Variants in UBE2D1 observed in about 807,000 individuals in gnomAD.
UBE2D1 encodes ubiquitin conjugating enzyme E2 D1.
Under a neutral mutation model 24.6 loss-of-function variants are expected in UBE2D1, and 9 were observed. The ratio of observed to expected loss-of-function variants is 0.37; its 90% CI spans 0.22 to 0.64. The LOEUF is 0.64. UBE2D1 is among the 30% of genes least tolerant of loss of function. UBE2D1 has a pLI of 0.64. For missense variants in UBE2D1, 87 were observed against 177.1 expected (o/e 0.49, Z 2.89); for synonymous variants, 57 against 57.6 (o/e 0.99, Z 0.04).
intron 1 of UBE2D1, among the ~76,000 whole-genome samples, chr10:58,358,392 A>G (rs901282200): frequency 6.6e-6 from 1 of 152,210 alleles, no homozygotes; most frequent in Non-Finnish European, 1.5e-5. Context: ...GAAAACTGTT[A>G]CAAGGCACAG....
chr10:58,360,946 A>C, intron 1 of UBE2D1: 1 of 456,560 alleles, frequency 2.2e-6, no homozygotes, highest in Non-Finnish European at 4.4e-6. Flanking sequence ...AGTTATCCTG[A>C]AGTATTATTC....
intron 1 of UBE2D1, among the ~76,000 whole-genome samples, chr10:58,342,238 G>A (rs1472440257): frequency 6.6e-6 from 1 of 152,114 alleles, no homozygotes; most frequent in Non-Finnish European, 1.5e-5. Flanking sequence ...GCATCCTCTT[G>A]TCTTACCTCT....
At chr10:58,366,383 T>G (rs760404280) in intron 5 of UBE2D1, among the ~76,000 whole-genome samples, 2 of 152,176 alleles carry the variant, frequency 1.3e-5, no homozygotes, top group Non-Finnish European at 2.9e-5. Context: ...TAGTGGGCAC[T>G]TACATGAATG....
At chr10:58,357,565 T>C (rs562345162) in intron 1 of UBE2D1, among the ~76,000 whole-genome samples, 8 of 152,148 alleles carry the variant, frequency 5.3e-5, no homozygotes, top group Non-Finnish European at 1.2e-4. Context: ...TTCCAAAATA[T>C]CTTCATTTTT....
intron 1 of UBE2D1, among the ~76,000 whole-genome samples, chr10:58,354,430 ATT>A (rs528438394): frequency 6.8e-6 from 1 of 146,122 alleles, no homozygotes; most frequent in Non-Finnish European, 1.5e-5. Context: ...TACCCCTTTA[ATT>A]TTTTTTTTTT....
In UBE2D1 at chr10:58,361,515, A is replaced by G. The variant is rs376764064; in HGVS notation, c.109A>G (p.Ile37Val). The change falls in exon 3 of 7, where the codon ATT becomes GTT. Residue 37 changes from isoleucine to valine, a missense_variant. Coordinates refer to ENST00000373910, the MANE Select transcript of UBE2D1 (RefSeq NM_003338.5). ...GDDLFHWQAT[I>V]MGPPDSAYQG... ...TTCAGTGTTCCACTGGCAAGCCACT[A>G]TTATGGGGCCTGTAAGTATGATTCA... is the stretch of plus-strand genomic sequence containing the variant. The G allele has an allele frequency of 4.8e-5, 77 of 1,614,014 alleles. No individual in the cohort carries two copies. Among genetic ancestry groups the G allele is most frequent in the Non-Finnish European group, 6.4e-5 (75 of 1,180,010 alleles).
At chr10:58,357,980 A>G (rs994938963) in intron 1 of UBE2D1, among the ~76,000 whole-genome samples, 1 of 152,094 alleles carries the variant, frequency 6.6e-6, no homozygotes, top group African/African-American at 2.4e-5. Context: ...AACTTCTAAC[A>G]GAGGAGGTAG....
intron 1 of UBE2D1, 107 bp downstream of exon 1, chr10:58,335,332 T>C: frequency 7.8e-7 from 1 of 1,276,192 alleles, no homozygotes; most frequent in Non-Finnish European, 1.0e-6. Context: ...GATGGAAGGG[T>C]GGGCCGGGGT....
At chr10:58,363,460 T>C (rs1840222507) in intron 3 of UBE2D1, 149 bp from the exon 4 acceptor site, 2 of 572,934 alleles carry the variant, frequency 3.5e-6, no homozygotes, top group Non-Finnish European at 6.0e-6. Flanking sequence ...GACAAAATGG[T>C]TGCATTTTTT....
chr10:58,364,617 C>A, intron 4 of UBE2D1, 154 bp from the exon 5 acceptor site: 1 of 602,424 alleles, frequency 1.7e-6, no homozygotes. Context: ...GTGTGTAGCA[C>A]AAAGTAGATA....
At position 58,364,893 on chromosome 10, in the gene UBE2D1, GGTTTGAAACA is replaced by G; in HGVS notation, c.304+21_304+30del. 1.3e-6 allele frequency: 2 copies of G among 1,590,750 alleles called. No individual in the cohort carries two copies. The highest frequency in any genetic ancestry group is 1.7e-6 in the Non-Finnish European group (2 of 1,161,032). On this transcript the variant is annotated intron_variant, in intron 5 of 6. Coordinates refer to ENST00000373910, the MANE Select transcript of UBE2D1 (RefSeq NM_003338.5). ...TATCAAAAGGTAATTTCATTGATCA[GGTTTGAAACA>G]GTTGATAACAGTGAGACAGGAAAAA...
At chr10:58,337,651 G>A (rs1007976163) in intron 1 of UBE2D1, among the ~76,000 whole-genome samples, 15 of 152,002 alleles carry the variant, frequency 9.9e-5, no homozygotes, top group Admixed American at 7.9e-4. Flanking sequence ...ACAAGCAGGG[G>A]AACAGCTTCT....
Position 58,362,310 on chromosome 10 carries a change from G to A in UBE2D1, c.120+784G>A, listed in dbSNP as rs145813000. 6.6e-3 allele frequency among the ~76,000 whole-genome samples: 997 copies of A among 152,202 alleles called. 6 individuals are homozygous for A. The highest frequency in any genetic ancestry group is 8.9e-3 in the Non-Finnish European group (602 of 68,006). ...AGAGCTTTATCTAGTGAGTTACAGA[G>A]TTTTTAATCATACGACCTTGTGTTT... On this transcript the variant is annotated intron_variant, in intron 3 of 6. Transcript: ENST00000373910.
chr10:58,363,404 G>A (rs999229826), intron 3 of UBE2D1, among the ~76,000 whole-genome samples: 10 of 151,954 alleles, frequency 6.6e-5, no homozygotes, highest in African/African-American at 1.2e-4. Context: ...ATCCTCCTTC[G>A]TACCTGCAGA....
At chr10:58,368,522 C>T in intron 6 of UBE2D1, 198 bp from the exon 7 acceptor site, 1 of 365,300 alleles carries the variant, frequency 2.7e-6, no homozygotes, top group Non-Finnish European at 4.9e-6. Context: ...ATATAGGTTG[C>T]AGAGAAATCC....
At chr10:58,359,883 A>G (rs1353676617) in intron 1 of UBE2D1, among the ~76,000 whole-genome samples, 1 of 152,196 alleles carries the variant, frequency 6.6e-6, no homozygotes, top group Non-Finnish European at 1.5e-5. Context: ...TGTGATAGAT[A>G]GGCCCTTCAG....
chr10:58,361,311 A>G (rs1201002404), intron 1 of UBE2D1, 27 bp from the exon 2 acceptor site: 49 of 1,612,538 alleles, frequency 3.0e-5, no homozygotes, highest in Non-Finnish European at 3.8e-5. Flanking sequence ...GAAGGAATTA[A>G]CCTTACATAT....
Position 58,364,784 on chromosome 10 carries a change from C to A in UBE2D1, c.212C>A (p.Thr71Lys). The change falls in exon 5 of 7, where the codon ACA (threonine) becomes AAA (lysine). Residue 71 changes from threonine (T) to lysine (K), a missense_variant. By Grantham distance (78) the Thr-to-Lys change is moderately conservative. Coordinates refer to ENST00000373910, the MANE Select transcript of UBE2D1 (RefSeq NM_003338.5). ...TTTTATGTTTAGATTGCTTTCACAA[C>A]AAAAATTTACCATCCAAACATAAAC... The part of the protein sequence containing the change: ...PFKPPKIAFT[T>K]KIYHPNINSN... 1 of 1,612,386 alleles carries A rather than the reference C, an allele frequency of 6.2e-7. No homozygotes were observed. Among genetic ancestry groups the A allele is most frequent in the Non-Finnish European group, 8.5e-7 (1 of 1,179,310 alleles).
intron 1 of UBE2D1, among the ~76,000 whole-genome samples, chr10:58,355,820 C>T (rs1024412266): frequency 6.6e-5 from 10 of 152,100 alleles, no homozygotes; most frequent in African/African-American, 2.2e-4. Context: ...CTTGGTATCA[C>T]GCTATTAACT....
Sources: allele counts gnomAD v4.1 joint callset (sites outside exome capture counted in the v4.1 genomes callset), GRCh38; gene constraint gnomAD v4.1.1; transcripts MANE v1.5; gene names NCBI Gene and HGNC (gene_info 2026-07-23, HGNC 2026-07-21).